Variants in FASTKD5 observed in about 807,000 individuals in gnomAD.
FASTKD5 encodes non-canonical pre-mRNAs endonuclease FASTKD5, mitochondrial.
A neutral mutation model predicts 44.0 loss-of-function variants in FASTKD5; 30 were observed. That is an observed-to-expected ratio of 0.68 (90% CI 0.51 to 0.93). The LOEUF is 0.93. Ranked by LOEUF, FASTKD5 falls within the 40% of genes least tolerant of loss-of-function variation. The pLI, the probability that FASTKD5 is intolerant of heterozygous loss-of-function variation, is 0.00. For synonymous variants in FASTKD5, 335 were observed against 342.2 expected (o/e 0.98, Z 0.23); for missense variants, 868 against 908.2 (o/e 0.96, Z 0.57).
At chr20:3,152,146 G>A (rs2066634569) in intron 1 of FASTKD5, among the ~76,000 whole-genome samples, 1 of 150,120 alleles carries the variant, frequency 6.7e-6, no homozygotes, top group Non-Finnish European at 1.5e-5. Context: ...AGAGATAGCA[G>A]GTAACAGAAC....
chr20:3,155,483 G>T (rs907973922), intron 1 of FASTKD5, among the ~76,000 whole-genome samples: 1 of 151,798 alleles, frequency 6.6e-6, no homozygotes, highest in Non-Finnish European at 1.5e-5. Flanking sequence ...GTGAGGCGAG[G>T]TCGCACCACT....
chr20:3,154,518 A>C (rs371107475), intron 1 of FASTKD5, among the ~76,000 whole-genome samples: 2 of 151,918 alleles, frequency 1.3e-5, no homozygotes, highest in African/African-American at 4.8e-5. Flanking sequence ...CCCCACCTCT[A>C]CAAAATATTT....
chr20:3,148,905 C>G lies in FASTKD5; in HGVS notation c.166G>C (p.Val56Leu), dbSNP rs138163389. 5.6e-6 allele frequency: 9 copies of G among 1,614,154 alleles called. No individual in the cohort carries two copies. Among genetic ancestry groups the G allele is most frequent in the Admixed American group, 3.3e-5 (2 of 60,008 alleles). Residue 56 changes from valine (V) to leucine (L), a missense_variant, in exon 2 of 2, where the codon GTT becomes CTT. Transcript: ENST00000380266. The part of the protein sequence containing the change: ...HISLCHSAKK[V>L]KNICSTFSSR... ...GAGAAGGTGCTACATATGTTCTTAA[C>G]TTTTTTGGCAGAATGGCAGAGGCTA...
intron 1 of FASTKD5, among the ~76,000 whole-genome samples, chr20:3,152,415 T>G (rs2066639392): frequency 6.6e-6 from 1 of 151,678 alleles, no homozygotes; most frequent in Admixed American, 6.6e-5. Context: ...GGCGGGAGAA[T>G]CACTTGAACC....
Position 3,148,517 on chromosome 20 carries a change from G to A in FASTKD5, c.554C>T (p.Thr185Ile). The A allele has an allele frequency of 6.2e-7, 1 of 1,614,108 alleles. No individual in the cohort carries two copies. The highest frequency in any genetic ancestry group is 8.5e-7 in the Non-Finnish European group (1 of 1,180,010). Residue 185 changes from threonine (T) to isoleucine (I), a missense_variant, in exon 2 of 2, where the codon ACC (threonine) becomes ATC (isoleucine). Coordinates refer to ENST00000380266, the MANE Select transcript of FASTKD5 (RefSeq NM_021826.5). ...CAGCTGGCAGAGCAGAGCAAAGCTG[G>A]TACTGCCCAGCAAGACAGGATGCTG... ...AEQHPVLLGS[T>I]SFALLCQLSV...
intron 1 of FASTKD5, among the ~76,000 whole-genome samples, chr20:3,152,809 G>A (rs1041551783): frequency 6.6e-6 from 1 of 151,982 alleles, no homozygotes; most frequent in African/African-American, 2.4e-5. Flanking sequence ...GAGAGGCTGA[G>A]GCAGGAGAAT....
In FASTKD5 at chr20:3,148,240, G is replaced by A. The variant is rs114609143; in HGVS notation, c.831C>T (p.Ser277=). Residue 277 remains serine (S), a synonymous_variant, in exon 2 of 2, where the codon TCC becomes TCT. Transcript: ENST00000380266. ...AAATTAAGTGAACTAGCTGAGACAA[G>A]GATAGATCCTTCCAGTGCAAATTAA... is the stretch of plus-strand genomic sequence containing the variant. The part of the protein sequence containing the change: ...SYLNLHWKDL[S]LSQLVHLIYV... 1 of 1,613,856 alleles carries A rather than the reference G, an allele frequency of 6.2e-7. No homozygotes were observed. Among genetic ancestry groups the A allele is most frequent in the African/African-American group, 1.3e-5 (1 of 75,008 alleles).
intron 1 of FASTKD5, chr20:3,156,898 A>C (rs539819922): frequency 6.6e-5 from 10 of 152,322 alleles, no homozygotes; most frequent in African/African-American, 2.2e-4. Context: ...AAATTGCCAC[A>C]AATAAATGAA....
At position 3,146,733 on chromosome 20, in the gene FASTKD5, T is replaced by G; in HGVS notation, c.*43A>C. The G allele has an allele frequency of 6.3e-7, 1 of 1,585,214 alleles. No individual in the cohort carries two copies. The highest frequency in any genetic ancestry group is 8.6e-7 in the Non-Finnish European group (1 of 1,166,274). On this transcript the variant is annotated 3_prime_UTR_variant, in exon 2 of 2. Transcript: ENST00000380266. ...AATCATTTTGCAACACCTGGTACAGTATACACCTATAGCTTTGCCATAGAA... is the reference window on the plus strand; with the variant it reads ...AATCATTTTGCAACACCTGGTACAGGATACACCTATAGCTTTGCCATAGAA...
chr20:3,150,234 AAACTCACTCAT>A (rs1029458704), intron 1 of FASTKD5, among the ~76,000 whole-genome samples: 9 of 152,108 alleles, frequency 5.9e-5, no homozygotes, highest in African/African-American at 2.2e-4. Context: ...GTATACTAAA[AAACTCACTCAT>A]TTTGGTGGGA....
Position 3,147,550 on chromosome 20 carries a change from C to G in FASTKD5, c.1521G>C (p.Lys507Asn), listed in dbSNP as rs747723817. 6.2e-7 allele frequency: 1 copy of G among 1,614,190 alleles called. No homozygotes were observed. ...TATATAGTTCCTTAAGGAGGTCAAA[C>G]TTAGTTCTCTCCTGAGCTAACCTGA... is the stretch of plus-strand genomic sequence containing the variant. ...GFVRLAQERT[K>N]FDLLKELYTL... Residue 507 changes from lysine (K) to asparagine (N), a missense_variant, in exon 2 of 2, where the codon AAG becomes AAC. Coordinates refer to ENST00000380266, the MANE Select transcript of FASTKD5 (RefSeq NM_021826.5).
In FASTKD5 at chr20:3,147,148, A is replaced by G; in HGVS notation, c.1923T>C (p.His641=). The part of the protein sequence containing the change: ...NKLLKGKARG[H]FQGKTESEPG... ...GCTCTGACTCAGTTTTGCCCTGGAA[A>G]TGTCCTCTTGCTTTCCCTTTTAGTA... The change falls in exon 2 of 2, where the codon CAT becomes CAC. Residue 641 remains histidine (H), a synonymous_variant. Transcript: ENST00000380266. 6.2e-7 allele frequency: 1 copy of G among 1,613,800 alleles called. No homozygotes were observed. Among genetic ancestry groups the G allele is most frequent in the Non-Finnish European group, 8.5e-7 (1 of 1,180,024 alleles).
intron 1 of FASTKD5, among the ~76,000 whole-genome samples, chr20:3,155,286 T>C (rs1041922320): frequency 6.6e-6 from 1 of 152,154 alleles, no homozygotes; most frequent in Admixed American, 6.5e-5. Context: ...TCCCAGCACT[T>C]TGGAAGGCTG....
chr20:3,150,365 G>A (rs1012658165), intron 1 of FASTKD5, among the ~76,000 whole-genome samples: 9 of 152,160 alleles, frequency 5.9e-5, no homozygotes, highest in African/African-American at 1.4e-4. Context: ...CAACTGCCCC[G>A]CTGACATCTT....
At chr20:3,155,715 A>C (rs2066677153) in intron 1 of FASTKD5, among the ~76,000 whole-genome samples, 1 of 152,252 alleles carries the variant, frequency 6.6e-6, no homozygotes. Flanking sequence ...TTAATAGATA[A>C]GGAAAATGTT....
In FASTKD5 at chr20:3,148,583, A is replaced by G. The variant is rs151099487; in HGVS notation, c.488T>C (p.Ile163Thr). ...VNQNNLQAQVIVDYLCKLSSL... is the reference protein window; with the variant it reads ...VNQNNLQAQVTVDYLCKLSSL... ...GCTCAGCTTACACAAATAATCAACAATGACTTGAGCCTGGAGATTATTTTG... is the reference window on the plus strand; with the variant it reads ...GCTCAGCTTACACAAATAATCAACAGTGACTTGAGCCTGGAGATTATTTTG... Residue 163 changes from isoleucine (I) to threonine (T), a missense_variant, in exon 2 of 2, where the codon ATT becomes ACT. Transcript: ENST00000380266. The G allele has an allele frequency of 1.3e-5, 21 of 1,613,998 alleles. No individual in the cohort carries two copies. In the African/African-American group the frequency reaches 2.5e-4, roughly 19 times the overall value.
chr20:3,152,357 TGCAATTGCA>T (rs2066638227), intron 1 of FASTKD5, among the ~76,000 whole-genome samples: 4 of 151,546 alleles, frequency 2.6e-5, no homozygotes, highest in Admixed American at 2.6e-4. Context: ...GGTGGGCGCC[TGCAATTGCA>T]GCTGGGGCAC....
intron 1 of FASTKD5, among the ~76,000 whole-genome samples, chr20:3,153,116 C>A (rs2066648632): frequency 6.6e-6 from 1 of 152,108 alleles, no homozygotes; most frequent in South Asian, 2.1e-4. Context: ...TAACAAATAT[C>A]TCTATAAATG....
At chr20:3,152,572 AG>A (rs2066641976) in intron 1 of FASTKD5, among the ~76,000 whole-genome samples, 1 of 152,126 alleles carries the variant, frequency 6.6e-6, no homozygotes, top group Admixed American at 6.6e-5. Flanking sequence ...GTGCAACTAA[AG>A]CCATATACTG....
Sources: gnomAD v4.1 joint callset for allele counts (sites outside exome capture counted in the v4.1 genomes callset) on GRCh38, gnomAD v4.1.1 for gene constraint, MANE v1.5 for transcripts, NCBI Gene and HGNC (gene_info 2026-07-23, HGNC 2026-07-21) for gene names.